Variants in RAB33B observed in about 807,000 individuals in gnomAD.
RAB33B encodes ras-related protein Rab-33B.
Under a neutral mutation model 15.0 loss-of-function variants are expected in RAB33B, and 6 were observed. That is an observed-to-expected ratio of 0.40 (90% CI 0.22 to 0.79). RAB33B has a LOEUF of 0.79. RAB33B is among the 30% of genes least tolerant of loss of function. RAB33B has a pLI of 0.37. For missense variants in RAB33B, 257 were observed against 296.4 expected (o/e 0.87, Z 0.98); for synonymous variants, 117 against 108.3 (o/e 1.08, Z -0.50).
intron 1 of RAB33B, among the ~76,000 whole-genome samples, chr4:139,468,193 A>G (rs142927960): frequency 6.6e-6 from 1 of 152,290 alleles, no homozygotes; most frequent in Non-Finnish European, 1.5e-5. Flanking sequence ...GGCAGCAGAC[A>G]AGAGAAGAGA....
chr4:139,449,362 A>G (rs890680489), upstream of RAB33B: 3 of 152,184 alleles, frequency 2.0e-5, no homozygotes, highest in Non-Finnish European at 4.4e-5. Flanking sequence ...TAAGTTGACA[A>G]GTGGTGGACT....
the RAB33B span, among the ~76,000 whole-genome samples, chr4:139,442,600 A>G: frequency 2.0e-5 from 3 of 152,290 alleles, no homozygotes; most frequent in Middle Eastern, 3.4e-3. Context: ...ACGTGAAAAG[A>G]TTAGACTGGC....
upstream of RAB33B, chr4:139,449,603 C>T (rs1429623138): frequency 6.6e-6 from 1 of 152,168 alleles, no homozygotes; most frequent in Non-Finnish European, 1.5e-5. Context: ...TCCCAGCCTA[C>T]AGCTTTCTCC....
chr4:139,468,800 C>T (rs955372739), intron 1 of RAB33B, among the ~76,000 whole-genome samples: 4 of 152,164 alleles, frequency 2.6e-5, no homozygotes, highest in African/African-American at 9.7e-5. Context: ...ATTTCTCCTT[C>T]ATGTTTGAAT....
At chr4:139,471,522 G>GTTT (rs568722111) in intron 1 of RAB33B, among the ~76,000 whole-genome samples, 2 of 135,678 alleles carry the variant, frequency 1.5e-5, no homozygotes, top group Non-Finnish European at 1.6e-5. Context: ...TTCTTATGAA[G>GTTT]TTTTTTTTTT....
At position 139,472,853 on chromosome 4, in the gene RAB33B, T is replaced by G. The variant is rs200448316; in HGVS notation, c.417T>G (p.Asn139Lys). Reference protein sequence around the residue: ...IEECKQHLLANDIPRILVGNK... With the variant: ...IEECKQHLLAKDIPRILVGNK... ...AATGCAAACAACATTTGCTAGCCAATGATATACCACGGATTCTTGTTGGAA... is the reference window on the plus strand; with the variant it reads ...AATGCAAACAACATTTGCTAGCCAAGGATATACCACGGATTCTTGTTGGAA... Residue 139 changes from asparagine (N) to lysine (K), a missense_variant, in exon 2 of 2, where the codon AAT becomes AAG. Physicochemically the swap from Asn to Lys is moderately conservative, Grantham distance 94. Transcript: ENST00000305626. The G allele has an allele frequency of 6.8e-5, 110 of 1,613,974 alleles. No homozygotes were observed. The highest frequency in any genetic ancestry group is 9.0e-5 in the Non-Finnish European group (106 of 1,179,946).
At chr4:139,461,084 A>T (rs1750163319) in intron 1 of RAB33B, among the ~76,000 whole-genome samples, 1 of 152,142 alleles carries the variant, frequency 6.6e-6, no homozygotes, top group Non-Finnish European at 1.5e-5. Context: ...GCAGAAAGGG[A>T]ATTTATTTTT....
chr4:139,449,710 T>C (rs1309140514), upstream of RAB33B: 2 of 152,042 alleles, frequency 1.3e-5, no homozygotes, highest in Non-Finnish European at 2.9e-5. Context: ...ATATGGCCTA[T>C]TCTGGGACCT....
At chr4:139,454,108 C>T (rs1417838537), upstream of RAB33B, 16 of 1,463,222 alleles carry the variant, frequency 1.1e-5, no homozygotes, top group Admixed American at 4.6e-5. Context: ...CCGAACTGGC[C>T]GGCTGGGCGC....
chr4:139,456,910 A>G (rs1020642947), intron 1 of RAB33B, among the ~76,000 whole-genome samples: 2 of 152,074 alleles, frequency 1.3e-5, no homozygotes, highest in African/African-American at 2.4e-5. Flanking sequence ...TTTTTGGTTA[A>G]CCTGTAATAC....
rs1172173084 is a variant in RAB33B at position 139,475,305 on chromosome 4, C to T, written c.*2179C>T. The T allele has an allele frequency of 1.3e-5, 2 of 151,808 alleles. No individual in the cohort carries two copies. The highest frequency in any genetic ancestry group is 1.9e-4 in the East Asian group (1 of 5,194). 9.4% of individuals were successfully genotyped at this position (151,808 alleles called of 1,614,324 possible). On this transcript the variant is annotated 3_prime_UTR_variant, in exon 2 of 2. Transcript: ENST00000305626. Reference sequence around the variant, plus strand: ...GGGGGAAGAAAGTTTATAGACTTTCCAAGCACATTTATGGTTTTTTATTAC... The same window carrying T: ...GGGGGAAGAAAGTTTATAGACTTTCTAAGCACATTTATGGTTTTTTATTAC...
At chr4:139,443,979 G>A in the RAB33B span, among the ~76,000 whole-genome samples, 35 of 152,234 alleles carry the variant, frequency 2.3e-4, no homozygotes, top group Non-Finnish European at 4.1e-4. Flanking sequence ...CTAAAGTCCC[G>A]GCAGGCCCCT....
Position 139,473,149 on chromosome 4 carries a change from C to A in RAB33B, c.*23C>A. Reference sequence around the variant, plus strand: ...TAAATAACAGTCTTTATTATATTATCTAATTTTGACTAAAGAAATACTTTT... The same window carrying A: ...TAAATAACAGTCTTTATTATATTATATAATTTTGACTAAAGAAATACTTTT... On this transcript the variant is annotated 3_prime_UTR_variant, in exon 2 of 2. Coordinates refer to ENST00000305626, the MANE Select transcript of RAB33B (RefSeq NM_031296.3). The A allele has an allele frequency of 6.6e-7, 1 of 1,524,438 alleles. No individual in the cohort carries two copies. Among genetic ancestry groups the A allele is most frequent in the Non-Finnish European group, 8.8e-7 (1 of 1,132,980 alleles). The allele number at this position is 1,524,438 out of a possible 1,614,324, so 94.4% of individuals were successfully genotyped here.
intron 1 of RAB33B, among the ~76,000 whole-genome samples, chr4:139,467,788 G>T (rs1333022182): frequency 2.0e-5 from 3 of 151,776 alleles, no homozygotes; most frequent in East Asian, 1.9e-4. Context: ...AGCCCAGGAG[G>T]TTGAGGCAGC....
At chr4:139,462,934 G>T (rs897598714) in intron 1 of RAB33B, among the ~76,000 whole-genome samples, 6 of 152,114 alleles carry the variant, frequency 3.9e-5, no homozygotes, top group African/African-American at 1.4e-4. Flanking sequence ...TCAGCACTTT[G>T]GGAGGCCGAT....
the RAB33B span, among the ~76,000 whole-genome samples, chr4:139,442,353 G>T: frequency 6.6e-6 from 1 of 152,136 alleles, no homozygotes; most frequent in African/African-American, 2.4e-5. Context: ...ACAAAGAATG[G>T]TATATAATCA....
In RAB33B at chr4:139,474,230, A is replaced by G. The variant is rs1183927876; in HGVS notation, c.*1104A>G. ...GTTGCTTTCTTACTAAATCCTATTA[A>G]AATATGCAAAAATAAGTCAGATTTT... On this transcript the variant is annotated 3_prime_UTR_variant, in exon 2 of 2. Transcript: ENST00000305626. 1.3e-5 allele frequency: 2 copies of G among 152,156 alleles called. No homozygotes were observed. The highest frequency in any genetic ancestry group is 4.8e-5 in the African/African-American group (2 of 41,432). The allele number at this position is 152,156 out of a possible 1,614,324, so 9.4% of individuals were successfully genotyped here. A position where few individuals can be genotyped will look rare whatever the true frequency, so the allele number is the denominator to read the frequency against.
intron 1 of RAB33B, among the ~76,000 whole-genome samples, chr4:139,459,587 A>G (rs1750130901): frequency 6.6e-6 from 1 of 150,800 alleles, no homozygotes; most frequent in Non-Finnish European, 1.5e-5. Flanking sequence ...GGCAGGATCC[A>G]TGTCTGGTAA....
intron 1 of RAB33B, among the ~76,000 whole-genome samples, chr4:139,461,499 C>G (rs552006871): frequency 1.1e-4 from 16 of 152,142 alleles, no homozygotes; most frequent in African/African-American, 3.9e-4. Flanking sequence ...TAAATAAGGG[C>G]ATGTAAAGGA....
Sources: allele counts gnomAD v4.1 joint callset (sites outside exome capture counted in the v4.1 genomes callset), GRCh38; gene constraint gnomAD v4.1.1; transcripts MANE v1.5; gene names NCBI Gene and HGNC (gene_info 2026-07-23, HGNC 2026-07-21).